Variants in DBX2 observed in about 807,000 individuals in gnomAD.
The protein encoded by DBX2 is developing brain homeobox 2.
A neutral mutation model predicts 17.7 loss-of-function variants in DBX2; 16 were observed. The ratio of observed to expected loss-of-function variants is 0.90; its 90% CI spans 0.61 to 1.37. The LOEUF is 1.37. Ranked by LOEUF, DBX2 falls within the 40% of genes most tolerant of loss-of-function variation. DBX2 has a pLI of 0.00. For missense variants in DBX2, 538 were observed against 433.8 expected (o/e 1.24, Z -2.13); for synonymous variants, 255 against 183.8 (o/e 1.39, Z -3.13).
chr12:45,029,593 A>C (rs2137023407), intron 2 of DBX2, among the ~76,000 whole-genome samples: 1 of 152,300 alleles, frequency 6.6e-6, no homozygotes, highest in South Asian at 2.1e-4. Flanking sequence ...GGCTGGGCGC[A>C]GTGGCTCATG....
intron 3 of DBX2, among the ~76,000 whole-genome samples, chr12:45,018,602 A>C (rs550033298): frequency 6.2e-4 from 95 of 152,120 alleles, no homozygotes; most frequent in Non-Finnish European, 9.4e-4. Context: ...CTGAATACAT[A>C]AAAATGAGAA....
chr12:45,020,944 A>T (rs1423706738), intron 3 of DBX2, among the ~76,000 whole-genome samples: 1 of 152,142 alleles, frequency 6.6e-6, no homozygotes, highest in African/African-American at 2.4e-5. Context: ...AAGGAATTGG[A>T]TTCCAGCAGA....
intron 1 of DBX2, among the ~76,000 whole-genome samples, chr12:45,048,680 AATG>A (rs1282060784): frequency 6.6e-6 from 1 of 152,206 alleles, no homozygotes; most frequent in Non-Finnish European, 1.5e-5. Flanking sequence ...GGGTCAAATT[AATG>A]AGATTTTAGT....
intron 3 of DBX2, among the ~76,000 whole-genome samples, 190 bp downstream of exon 3, chr12:45,023,517 A>G (rs1027124987): frequency 4.6e-5 from 7 of 152,230 alleles, no homozygotes; most frequent in Admixed American, 1.3e-4. Context: ...AATTATGAAA[A>G]GCATTTCAAG....
chr12:45,019,175 A>T (rs1403442157), intron 3 of DBX2, among the ~76,000 whole-genome samples: 7 of 152,204 alleles, frequency 4.6e-5, no homozygotes, highest in Non-Finnish European at 1.0e-4. Context: ...AATAAAAAAA[A>T]GCCACAAACT....
At chr12:45,040,621 G>T (rs372269437) in intron 1 of DBX2, among the ~76,000 whole-genome samples, 2 of 152,042 alleles carry the variant, frequency 1.3e-5, no homozygotes, top group East Asian at 3.9e-4. Flanking sequence ...CTTTTATCTT[G>T]CATGTTTATT....
At chr12:45,039,277 GTATA>G (rs58371508) in intron 1 of DBX2, among the ~76,000 whole-genome samples, 3,233 of 89,216 alleles carry the variant, frequency 0.036, 29 homozygotes, top group East Asian at 0.046. Context: ...TGCATTGAAG[GTATA>G]TATATATATA....
intron 3 of DBX2, among the ~76,000 whole-genome samples, chr12:45,018,610 G>A (rs1424422540): frequency 6.6e-6 from 1 of 151,990 alleles, no homozygotes; most frequent in African/African-American, 2.4e-5. Flanking sequence ...ATAAAAATGA[G>A]AAATTTCTGT....
chr12:45,042,162 A>G (rs566166468), intron 1 of DBX2, among the ~76,000 whole-genome samples: 3 of 152,326 alleles, frequency 2.0e-5, no homozygotes, highest in Admixed American at 2.0e-4. Flanking sequence ...GACCGTGAAA[A>G]GAACATAAAA....
intron 2 of DBX2, among the ~76,000 whole-genome samples, chr12:45,030,736 C>A (rs1373349626): frequency 6.6e-6 from 1 of 151,600 alleles, no homozygotes; most frequent in Non-Finnish European, 1.5e-5. Context: ...CAGTATCCCC[C>A]AACTTTGTAA....
At position 45,050,648 on chromosome 12, in the gene DBX2, G is replaced by A; in HGVS notation, c.280C>T (p.Pro94Ser). Residue 94 changes from proline to serine, a missense_variant, in exon 1 of 4, where the codon CCC (proline) becomes TCC (serine). By Grantham distance (74) the Pro-to-Ser change is moderately conservative. Coordinates refer to ENST00000332700, the MANE Select transcript of DBX2 (RefSeq NM_001004329.3). ...KLCPAAEQVSPAGAPYGTRWA... is the reference protein window; with the variant it reads ...KLCPAAEQVSSAGAPYGTRWA... ...CGCGTTCCGTAGGGCGCCCCGGCGGGGCTAACTTGTTCGGCTGCGGGGCAC... is the reference window on the plus strand; with the variant it reads ...CGCGTTCCGTAGGGCGCCCCGGCGGAGCTAACTTGTTCGGCTGCGGGGCAC... 2 of 1,549,692 alleles carry A rather than the reference G, an allele frequency of 1.3e-6. No homozygotes were observed. The highest frequency in any genetic ancestry group is 1.2e-5 in the South Asian group (1 of 84,098).
chr12:45,036,882 T>C (rs555674107), intron 1 of DBX2, among the ~76,000 whole-genome samples: 1 of 152,212 alleles, frequency 6.6e-6, no homozygotes, highest in Non-Finnish European at 1.5e-5. Flanking sequence ...GTGTTTCTAG[T>C]ATAGTGAGTT....
chr12:45,048,019 T>A (rs1458666606), intron 1 of DBX2, among the ~76,000 whole-genome samples: 1 of 152,176 alleles, frequency 6.6e-6, no homozygotes, highest in South Asian at 2.1e-4. Flanking sequence ...ATCTGTCTTG[T>A]TAACTGATTA....
At chr12:45,036,531 A>G (rs1028806648) in intron 1 of DBX2, among the ~76,000 whole-genome samples, 5 of 152,242 alleles carry the variant, frequency 3.3e-5, no homozygotes, top group Non-Finnish European at 2.9e-5. Flanking sequence ...TGTAGCTAGT[A>G]TAATGAATAA....
intron 3 of DBX2, 31 bp from the exon 4 acceptor site, chr12:45,016,649 A>C: frequency 1.3e-6 from 2 of 1,506,106 alleles, no homozygotes; most frequent in South Asian, 2.7e-5. Context: ...CAAAATGATC[A>C]CTTATTCCAG....
chr12:45,036,006 G>A lies in DBX2; in HGVS notation c.499+13C>T, dbSNP rs1418698252. On this transcript the variant is annotated intron_variant, in intron 2 of 3. Coordinates refer to ENST00000332700, the MANE Select transcript of DBX2 (RefSeq NM_001004329.3). ...AATAACTGAGGCATTGCTGATGAAG[G>A]ATAAAAACTTACTTGGAAAAGCAGT... is the stretch of plus-strand genomic sequence containing the variant. The A allele has an allele frequency of 6.2e-7, 1 of 1,609,460 alleles. No individual in the cohort carries two copies. The highest frequency in any genetic ancestry group is 8.5e-7 in the Non-Finnish European group (1 of 1,177,994).
intron 1 of DBX2, among the ~76,000 whole-genome samples, chr12:45,047,579 C>T (rs1298354586): frequency 6.6e-6 from 1 of 152,116 alleles, no homozygotes; most frequent in Non-Finnish European, 1.5e-5. Flanking sequence ...ACCTGTAAAT[C>T]TGTGTTACTG....
At chr12:45,044,964 T>C (rs779102490) in intron 1 of DBX2, among the ~76,000 whole-genome samples, 2 of 152,054 alleles carry the variant, frequency 1.3e-5, no homozygotes, top group Non-Finnish European at 2.9e-5. Context: ...GAAAGTAAAA[T>C]AAAACATTTT....
intron 1 of DBX2, among the ~76,000 whole-genome samples, chr12:45,046,466 G>A (rs1372433282): frequency 6.6e-6 from 1 of 152,064 alleles, no homozygotes; most frequent in African/African-American, 2.4e-5. Flanking sequence ...AAAATTCTAT[G>A]ATTTTAATTT....
Sources: gnomAD v4.1 joint callset for allele counts (sites outside exome capture counted in the v4.1 genomes callset) on GRCh38, gnomAD v4.1.1 for gene constraint, MANE v1.5 for transcripts, NCBI Gene and HGNC (gene_info 2026-07-23, HGNC 2026-07-21) for gene names.